The following ANAPC13 variants were observed in gnomAD, a reference collection of about 807,000 sequenced individuals.
The protein encoded by ANAPC13 is anaphase-promoting complex subunit 13.
Under a neutral mutation model 9.6 loss-of-function variants are expected in ANAPC13, and 9 were observed. The observed-to-expected ratio is 0.94, with a 90% CI of 0.57 to 1.64. The LOEUF (loss-of-function observed/expected upper bound fraction) is 1.64, where lower values mean the gene tolerates loss of function less well. ANAPC13 is among the 40% of genes most tolerant of loss of function. The pLI is 0.00. For missense variants in ANAPC13, 75 were observed against 85.3 expected, an observed-to-expected ratio of 0.88 and a Z score of 0.48; for synonymous variants, 30 against 29.7, an observed-to-expected ratio of 1.01 and a Z score of -0.03.
chr3:134,485,726 C>A (rs1158095171), intron 1 of ANAPC13: 2 of 153,112 alleles, frequency 1.3e-5, no homozygotes, highest in Non-Finnish European at 2.9e-5. Context: ...CCCTCAGCTG[C>A]GGCTTCCTGC....
chr3:134,482,423 T>C (rs1470851670), intron 2 of ANAPC13, among the ~76,000 whole-genome samples: 2 of 152,216 alleles, frequency 1.3e-5, no homozygotes, highest in Non-Finnish European at 2.9e-5. Flanking sequence ...TTTCTAAAAA[T>C]GCTGAAAGAC....
In ANAPC13 at chr3:134,478,728, A is replaced by G. The variant is rs750736411; in HGVS notation, c.100-13T>C. ...CAGGAAGCTCATTCTGAAAAGGTAC[A>G]ATAGAAATTCAGAACAGTAATATAT... On this transcript the variant is annotated splice_polypyrimidine_tract_variant and intron_variant, in intron 2 of 2. Transcript: ENST00000354910. 4 of 1,613,374 alleles carry G rather than the reference A, an allele frequency of 2.5e-6. No homozygotes were observed. Among genetic ancestry groups the G allele is most frequent in the Non-Finnish European group, 3.4e-6 (4 of 1,179,834 alleles).
chr3:134,483,919 A>G (rs1034902600), intron 1 of ANAPC13, among the ~76,000 whole-genome samples: 8 of 152,190 alleles, frequency 5.3e-5, no homozygotes, highest in African/African-American at 1.7e-4. Flanking sequence ...GAAGGAAGCC[A>G]TTTCCTTTAC....
chr3:134,485,037 C>A (rs893407714), intron 1 of ANAPC13, among the ~76,000 whole-genome samples: 1 of 152,222 alleles, frequency 6.6e-6, no homozygotes, highest in African/African-American at 2.4e-5. Context: ...ACACCTCCAA[C>A]CCTGTCACAT....
At chr3:134,480,590 C>T (rs773809587) in intron 2 of ANAPC13, among the ~76,000 whole-genome samples, 5 of 152,174 alleles carry the variant, frequency 3.3e-5, no homozygotes, top group South Asian at 2.1e-4. Flanking sequence ...GAAGCTCTGC[C>T]GTTTCCTCTC....
chr3:134,480,676 C>T (rs1934715681), intron 2 of ANAPC13, among the ~76,000 whole-genome samples: 1 of 152,184 alleles, frequency 6.6e-6, no homozygotes, highest in Non-Finnish European at 1.5e-5. Context: ...CATAGTCACC[C>T]CATCACCCAG....
chr3:134,480,215 A>G (rs983007464), intron 2 of ANAPC13, among the ~76,000 whole-genome samples: 4 of 152,222 alleles, frequency 2.6e-5, no homozygotes, highest in Non-Finnish European at 5.9e-5. Flanking sequence ...CTTATAGATG[A>G]CAAAGAATAA....
chr3:134,480,637 G>T (rs962676868), intron 2 of ANAPC13, among the ~76,000 whole-genome samples: 4 of 152,148 alleles, frequency 2.6e-5, no homozygotes, highest in African/African-American at 9.7e-5. Flanking sequence ...AGAAGTCTGG[G>T]CTAGCCTGCT....
chr3:134,485,701 C>G (rs1229319150), intron 1 of ANAPC13: 2 of 152,416 alleles, frequency 1.3e-5, no homozygotes, highest in Non-Finnish European at 2.9e-5. Context: ...CCATCCGCAC[C>G]GTACGACAGG....
At chr3:134,486,000 C>CGT (rs1935145728), upstream of ANAPC13, 8 of 965,758 alleles carry the variant, frequency 8.3e-6, no homozygotes, top group Non-Finnish European at 9.8e-6. Context: ...CGCCCCCCCC[C>CGT]CCTCCCCCGC....
Position 134,483,054 on chromosome 3 carries a change from T to G in ANAPC13, c.-27-123A>C, listed in dbSNP as rs113495450. 1.9e-3 allele frequency: 1,280 copies of G among 661,406 alleles called. 13 individuals are homozygous for G. The African/African-American group carries it at 0.02, about 11-fold the overall frequency. 41.0% of individuals were successfully genotyped at this position (661,406 alleles called of 1,614,324 possible). A position where few individuals can be genotyped will look rare whatever the true frequency, so the allele number is the denominator to read the frequency against. On this transcript the variant is annotated intron_variant, in intron 1 of 2. Transcript: ENST00000354910. ...TTGGGAAAAGGTTCATTTTCTCATA[T>G]GGGCCGGGTGACTACTTTGATCACA...
At chr3:134,477,705 A>T (rs3181005), downstream of ANAPC13, 1 of 152,252 alleles carries the variant, frequency 6.6e-6, no homozygotes, top group Non-Finnish European at 1.5e-5. Flanking sequence ...GACCCAGCAT[A>T]AAAAGGATGA....
chr3:134,486,000 C>CCT, upstream of ANAPC13: 7 of 965,842 alleles, frequency 7.2e-6, no homozygotes, highest in Non-Finnish European at 8.6e-6. Flanking sequence ...CGCCCCCCCC[C>CCT]CCTCCCCCGC....
At chr3:134,482,268 C>A (rs1444906894) in intron 2 of ANAPC13, among the ~76,000 whole-genome samples, 1 of 152,184 alleles carries the variant, frequency 6.6e-6, no homozygotes, top group African/African-American at 2.4e-5. Context: ...TGAGGTTTAA[C>A]AAACTCCCTG....
chr3:134,486,012 T>A, upstream of ANAPC13: 24 of 683,386 alleles, frequency 3.5e-5, no homozygotes, highest in Non-Finnish European at 4.1e-5. Flanking sequence ...CTCCCCCGCA[T>A]CACGTGTCTG....
At chr3:134,483,573 G>C (rs1481625325) in intron 1 of ANAPC13, among the ~76,000 whole-genome samples, 1 of 152,122 alleles carries the variant, frequency 6.6e-6, no homozygotes, top group Non-Finnish European at 1.5e-5. Context: ...GGCCCAAATG[G>C]TCACGATGCT....
At chr3:134,485,534 C>T (rs1203773661) in intron 1 of ANAPC13, 1 of 152,276 alleles carries the variant, frequency 6.6e-6, no homozygotes, top group Admixed American at 6.5e-5. Context: ...TCAAACAGCC[C>T]AGATGAATGT....
chr3:134,478,521 G>C lies in ANAPC13; in HGVS notation c.*69C>G. Reference sequence around the variant, plus strand: ...TTTATTACTCAAAGGTTTGAATTTGGAGACTGAAACAAACCATGCTTTATC... The same window carrying C: ...TTTATTACTCAAAGGTTTGAATTTGCAGACTGAAACAAACCATGCTTTATC... On this transcript the variant is annotated 3_prime_UTR_variant, in exon 3 of 3. Transcript: ENST00000354910. 1.3e-6 allele frequency: 2 copies of C among 1,543,172 alleles called. No individual in the cohort carries two copies. The highest frequency in any genetic ancestry group is 1.8e-6 in the Non-Finnish European group (2 of 1,141,136).
intron 1 of ANAPC13, among the ~76,000 whole-genome samples, chr3:134,484,903 A>G (rs1934957258): frequency 6.6e-6 from 1 of 152,226 alleles, no homozygotes; most frequent in Non-Finnish European, 1.5e-5. Flanking sequence ...AAGCTAGGTC[A>G]GCTTTGTGGT....
Sources: gnomAD v4.1 joint callset for allele counts (sites outside exome capture counted in the v4.1 genomes callset) on GRCh38, gnomAD v4.1.1 for gene constraint, MANE v1.5 for transcripts, NCBI Gene and HGNC (gene_info 2026-07-23, HGNC 2026-07-21) for gene names.